The following MYO3B variants were observed in gnomAD, a reference collection of about 807,000 sequenced individuals.
The protein encoded by MYO3B is myosin-IIIb.
In MYO3B, 156 loss-of-function variants were observed where a neutral mutation model predicts 174.6. The ratio of observed to expected loss-of-function variants is 0.89; its 90% CI spans 0.78 to 1.02. MYO3B has a LOEUF of 1.02. Among genes scored for constraint, MYO3B ranks in the 50% least tolerant of loss-of-function variants. The pLI, the probability that MYO3B is intolerant of heterozygous loss-of-function variation, is 0.00. For missense variants in MYO3B, 1,632 were observed against 1,639.4 expected, an observed-to-expected ratio of 1.00 and a Z score of 0.08; for synonymous variants, 563 against 569.1, an observed-to-expected ratio of 0.99 and a Z score of 0.15.
At chr2:170,250,157 A>G (rs2093235639) in intron 7 of MYO3B, among the ~76,000 whole-genome samples, 1 of 152,258 alleles carries the variant, frequency 6.6e-6, no homozygotes, top group African/African-American at 2.4e-5. Flanking sequence ...GCATGACACC[A>G]TCAAGATTAT....
intron 32 of MYO3B, among the ~76,000 whole-genome samples, chr2:170,584,660 A>G (rs1159963316): frequency 1.3e-5 from 2 of 152,340 alleles, no homozygotes; most frequent in African/African-American, 4.8e-5. Context: ...GCACTTGTTA[A>G]CGTGATTAAT....
In MYO3B at chr2:170,325,879, A is replaced by G. The variant is rs190879447; in HGVS notation, c.750-9506A>G. Among the ~76,000 whole-genome samples the G allele has an allele frequency of 6.6e-5, 10 of 152,290 alleles. No homozygotes were observed. The East Asian group carries it at 1.7e-3, about 26-fold the overall frequency. ...AGCTACATTCTCCAAGATCAGTTCT[A>G]TCTATAATAAAGGTATTATTTTGGA... On this transcript the variant is annotated intron_variant, in intron 7 of 34. Transcript: ENST00000408978.
At chr2:170,527,052 C>T (rs1341914076) in intron 30 of MYO3B, among the ~76,000 whole-genome samples, 1 of 152,194 alleles carries the variant, frequency 6.6e-6, no homozygotes, top group Non-Finnish European at 1.5e-5. Flanking sequence ...AATTCCCTTG[C>T]CAGTCCTGTC....
At chr2:170,519,609 G>T in intron 30 of MYO3B, 69 bp downstream of exon 30, 1 of 1,232,904 alleles carries the variant, frequency 8.1e-7, no homozygotes. Context: ...TAATGAAATG[G>T]TAATGGATAA....
intron 8 of MYO3B, among the ~76,000 whole-genome samples, chr2:170,352,988 A>G (rs750029641): frequency 6.6e-6 from 1 of 152,246 alleles, no homozygotes; most frequent in Non-Finnish European, 1.5e-5. Context: ...ACTTTGGAAG[A>G]CAGTTTGCTA....
At chr2:170,342,094 G>A (rs1457846882) in intron 8 of MYO3B, 1 of 152,200 alleles carries the variant, frequency 6.6e-6, no homozygotes, top group Non-Finnish European at 1.5e-5. Context: ...AGTAACGTGG[G>A]TAATCTAGAC....
At chr2:170,410,303 C>T (rs2094537007) in intron 22 of MYO3B, among the ~76,000 whole-genome samples, 1 of 152,076 alleles carries the variant, frequency 6.6e-6, no homozygotes, top group South Asian at 2.1e-4. Flanking sequence ...CGGTGGCTCA[C>T]GCCTGTAATC....
intron 32 of MYO3B, chr2:170,649,988 A>T (rs374215019): frequency 6.7e-6 from 1 of 148,876 alleles, no homozygotes; most frequent in African/African-American, 2.5e-5. Flanking sequence ...GAAAAAAAAA[A>T]TGGGTATTTA....
intron 6 of MYO3B, among the ~76,000 whole-genome samples, chr2:170,225,767 T>C (rs944481802): frequency 5.9e-5 from 9 of 152,098 alleles, no homozygotes; most frequent in African/African-American, 1.9e-4. Context: ...TTCTGACTAG[T>C]AAAATGGGGA....
At chr2:170,552,636 A>C (rs548994552) in intron 32 of MYO3B, among the ~76,000 whole-genome samples, 69 of 152,368 alleles carry the variant, frequency 4.5e-4, no homozygotes, top group Non-Finnish European at 7.9e-4. Flanking sequence ...GAAAATTTGC[A>C]GCCCAATCAT....
chr2:170,500,344 G>A (rs1439743592), intron 27 of MYO3B, among the ~76,000 whole-genome samples: 1 of 152,142 alleles, frequency 6.6e-6, no homozygotes, highest in African/African-American at 2.4e-5. Context: ...AATAGCCTGG[G>A]ACAAAGTTCA....
chr2:170,429,267 C>A (rs879943990), intron 22 of MYO3B, among the ~76,000 whole-genome samples: 1 of 152,188 alleles, frequency 6.6e-6, no homozygotes, highest in Non-Finnish European at 1.5e-5. Flanking sequence ...AACTACCTGA[C>A]CCATATGAGA....
intron 16 of MYO3B, among the ~76,000 whole-genome samples, chr2:170,398,773 A>T (rs1185355798): frequency 6.6e-6 from 1 of 152,186 alleles, no homozygotes; most frequent in Non-Finnish European, 1.5e-5. Flanking sequence ...TAGTTCCGGG[A>T]ACCCCCAATT....
intron 32 of MYO3B, among the ~76,000 whole-genome samples, chr2:170,547,675 T>G (rs903740435): frequency 1.3e-5 from 2 of 152,246 alleles, no homozygotes; most frequent in Admixed American, 6.5e-5. Flanking sequence ...AGTCTGATAC[T>G]TTTGTGGAAT....
chr2:170,262,048 C>T (rs2093349439), intron 7 of MYO3B, among the ~76,000 whole-genome samples: 1 of 152,070 alleles, frequency 6.6e-6, no homozygotes, highest in African/African-American at 2.4e-5. Flanking sequence ...CATATTGTGA[C>T]TAAGTGTACA....
At chr2:170,254,425 C>T (rs1162895205) in intron 7 of MYO3B, among the ~76,000 whole-genome samples, 4 of 152,090 alleles carry the variant, frequency 2.6e-5, no homozygotes, top group Non-Finnish European at 4.4e-5. Context: ...GCCTTTCCTG[C>T]GGGACTCGGG....
intron 23 of MYO3B, among the ~76,000 whole-genome samples, chr2:170,451,975 A>C (rs556592828): frequency 6.6e-6 from 1 of 152,346 alleles, no homozygotes; most frequent in East Asian, 1.9e-4. Flanking sequence ...ACCCAAAGCC[A>C]ATCGGCCCAT....
chr2:170,645,823 ACTT>A (rs768034083), intron 32 of MYO3B, among the ~76,000 whole-genome samples: 11 of 152,212 alleles, frequency 7.2e-5, no homozygotes, highest in Non-Finnish European at 1.2e-4. Context: ...TTTGTATTTT[ACTT>A]CTTTTTCCAA....
chr2:170,216,011 A>G (rs912572607), intron 5 of MYO3B, among the ~76,000 whole-genome samples: 2 of 152,226 alleles, frequency 1.3e-5, no homozygotes, highest in Admixed American at 1.3e-4. Context: ...TTAAAACCAG[A>G]AAGGTATAGT....
Sources: gnomAD v4.1 joint callset for allele counts (sites outside exome capture counted in the v4.1 genomes callset) on GRCh38, gnomAD v4.1.1 for gene constraint, MANE v1.5 for transcripts, NCBI Gene and HGNC (gene_info 2026-07-23, HGNC 2026-07-21) for gene names.